Variants in MED26 observed in about 807,000 individuals in gnomAD.
MED26 encodes mediator of RNA polymerase II transcription subunit 26.
Under a neutral mutation model 43.7 loss-of-function variants are expected in MED26, and 7 were observed. The ratio of observed to expected loss-of-function variants is 0.16; its 90% CI spans 0.09 to 0.30. The LOEUF is 0.30. MED26 is among the 10% of genes least tolerant of loss of function. MED26 has a pLI of 1.00. For missense variants in MED26, 784 were observed against 840.6 expected (o/e 0.93, Z 0.83); for synonymous variants, 375 against 371.1 (o/e 1.01, Z -0.12).
chr19:16,624,583 C>G (rs74835640), intron 1 of MED26: 3,130 of 152,374 alleles, frequency 0.021, 55 homozygotes, highest in Non-Finnish European at 0.031. Context: ...AGTACACCGT[C>G]TACTATTCGT....
chr19:16,615,190 G>C (rs891865087), intron 1 of MED26, among the ~76,000 whole-genome samples: 1 of 152,138 alleles, frequency 6.6e-6, no homozygotes, highest in Non-Finnish European at 1.5e-5. Context: ...GCTTATGGAG[G>C]CTCTGGACCC....
intron 1 of MED26, among the ~76,000 whole-genome samples, chr19:16,626,730 G>A (rs1167265023): frequency 2.0e-5 from 3 of 152,154 alleles, no homozygotes; most frequent in South Asian, 2.1e-4. Flanking sequence ...CCAAGCCAAA[G>A]ATGATATTTT....
At chr19:16,608,881 A>T (rs1169543716) in intron 1 of MED26, among the ~76,000 whole-genome samples, 2 of 152,266 alleles carry the variant, frequency 1.3e-5, no homozygotes, top group African/African-American at 4.8e-5. Context: ...AAATGTTAAT[A>T]ATGCAATTAA....
At chr19:16,606,340 C>T (rs527677382) in intron 1 of MED26, among the ~76,000 whole-genome samples, 36 of 152,254 alleles carry the variant, frequency 2.4e-4, no homozygotes, top group Non-Finnish European at 3.4e-4. Flanking sequence ...CACCTGAGGT[C>T]GGGAGTTCAA....
rs140663851 is a variant in MED26 at position 16,581,255 on chromosome 19, G to A, written c.73-2846C>T. ...AATGACCCTGAAAACCCTGCTTCAA[G>A]CTGTGTCATGGTGGGGGTGGACGGG... On this transcript the variant is annotated intron_variant, in intron 1 of 2. Coordinates refer to ENST00000263390, the MANE Select transcript of MED26 (RefSeq NM_004831.5). 1.8e-3 allele frequency among the ~76,000 whole-genome samples: 275 copies of A among 152,302 alleles called. 5 individuals carry two copies. The highest frequency in any genetic ancestry group is 6.9e-4 in the Non-Finnish European group (47 of 68,042).
Position 16,589,736 on chromosome 19 carries a change from A to G in MED26, c.73-11327T>C, listed in dbSNP as rs142842047. On this transcript the variant is annotated intron_variant, in intron 1 of 2. Transcript: ENST00000263390. ...CAGCTGTAAAACTTGGGACTTGTAC[A>G]CTTTTCTAGATGTATATTTTCTAGA... Among the ~76,000 whole-genome samples the G allele has an allele frequency of 5.3e-4, 80 of 152,326 alleles. 1 individual carries two copies. Among genetic ancestry groups the G allele is most frequent in the African/African-American group, 1.9e-3 (77 of 41,572 alleles).
chr19:16,622,978 C>T (rs932879068), intron 1 of MED26, among the ~76,000 whole-genome samples: 11 of 152,186 alleles, frequency 7.2e-5, no homozygotes, highest in Non-Finnish European at 1.5e-4. Flanking sequence ...TCCTATCTTA[C>T]ACAGCTGCCC....
rs189522459 is a variant in MED26, at chr19:16,626,418, T to C, written c.72+1454A>G. On this transcript the variant is annotated intron_variant, in intron 1 of 2. Transcript: ENST00000263390. ...ATTCTAGAAGGTTTTATATAGCTTG[T>C]GCCCACTCCACCCCCAAAGTCATAA... is the stretch of plus-strand genomic sequence containing the variant. 3.9e-5 allele frequency among the ~76,000 whole-genome samples: 6 copies of C among 152,272 alleles called. No homozygotes were observed. In the East Asian group the frequency reaches 7.7e-4, roughly 20 times the overall value.
intron 1 of MED26, among the ~76,000 whole-genome samples, chr19:16,604,347 G>T (rs1418908322): frequency 1.3e-5 from 2 of 152,212 alleles, no homozygotes; most frequent in African/African-American, 4.8e-5. Context: ...AGGGATAGAA[G>T]AACTGCATCA....
intron 1 of MED26, among the ~76,000 whole-genome samples, chr19:16,599,537 T>C (rs532583228): frequency 2.6e-5 from 4 of 152,264 alleles, no homozygotes; most frequent in African/African-American, 9.6e-5. Context: ...CTAGCTTTTG[T>C]CACCCAGAAT....
chr19:16,610,802 A>C (rs1412075557), intron 1 of MED26: 1 of 152,226 alleles, frequency 6.6e-6, no homozygotes, highest in Non-Finnish European at 1.5e-5. Flanking sequence ...ATGACATGGA[A>C]GGCTGAAAGC....
intron 1 of MED26, among the ~76,000 whole-genome samples, chr19:16,613,386 G>C (rs2086208574): frequency 6.6e-6 from 1 of 152,042 alleles, no homozygotes; most frequent in Non-Finnish European, 1.5e-5. Context: ...TGGCTCAAAG[G>C]CTCTAGAGAT....
chr19:16,613,363 A>G (rs2086208465), intron 1 of MED26, among the ~76,000 whole-genome samples: 2 of 152,134 alleles, frequency 1.3e-5, no homozygotes, highest in Admixed American at 1.3e-4. Flanking sequence ...GACCTCATCA[A>G]CTGGAGCTGA....
chr19:16,596,077 C>T (rs992892205), intron 1 of MED26, among the ~76,000 whole-genome samples: 1 of 152,192 alleles, frequency 6.6e-6, no homozygotes, highest in African/African-American at 2.4e-5. Flanking sequence ...GTGGCACCAT[C>T]GTGGCTCACT....
At chr19:16,610,003 G>A (rs1412756361) in intron 1 of MED26, among the ~76,000 whole-genome samples, 2 of 150,230 alleles carry the variant, frequency 1.3e-5, no homozygotes, top group Non-Finnish European at 2.9e-5. Flanking sequence ...CAAGCCGGGT[G>A]TGGTCGCTCA....
At chr19:16,623,472 A>C (rs554184853) in intron 1 of MED26, among the ~76,000 whole-genome samples, 2 of 152,356 alleles carry the variant, frequency 1.3e-5, no homozygotes, top group East Asian at 3.9e-4. Context: ...AAAGTGCTGT[A>C]ATGTTGAAGT....
At chr19:16,606,853 T>G (rs1241606206) in intron 1 of MED26, among the ~76,000 whole-genome samples, 1 of 152,190 alleles carries the variant, frequency 6.6e-6, no homozygotes, top group Non-Finnish European at 1.5e-5. Context: ...CAAACCCACC[T>G]GGGATGCACA....
intron 1 of MED26, among the ~76,000 whole-genome samples, chr19:16,589,620 G>A (rs2086087012): frequency 6.6e-6 from 1 of 152,186 alleles, no homozygotes; most frequent in Non-Finnish European, 1.5e-5. Flanking sequence ...AGAATGACTA[G>A]GAGAGGACGT....
At chr19:16,591,190 T>TA (rs1230573689) in intron 1 of MED26, among the ~76,000 whole-genome samples, 2 of 152,096 alleles carry the variant, frequency 1.3e-5, no homozygotes, top group African/African-American at 4.8e-5. Flanking sequence ...GCTTCTTTGT[T>TA]AGAGAGGGGA....
Sources: gnomAD v4.1 joint callset for allele counts (sites outside exome capture counted in the v4.1 genomes callset) on GRCh38, gnomAD v4.1.1 for gene constraint, MANE v1.5 for transcripts, NCBI Gene and HGNC (gene_info 2026-07-23, HGNC 2026-07-21) for gene names.